APOL5: variants seen among roughly 807,000 people sequenced by gnomAD.
APOL5 encodes apolipoprotein L5.
In APOL5, 29 loss-of-function variants were observed where a neutral mutation model predicts 35.5. That is an observed-to-expected ratio of 0.82 (90% confidence interval 0.61 to 1.11). The LOEUF (loss-of-function observed/expected upper bound fraction) is 1.11. Among genes scored for constraint, APOL5 ranks in the 50% most tolerant of loss-of-function variants. The pLI, the probability that APOL5 is intolerant of heterozygous loss-of-function variation, is 0.00. For missense variants in APOL5, 514 were observed against 530.4 expected (o/e 0.97, Z 0.30); for synonymous variants, 188 against 200.2 (o/e 0.94, Z 0.51).
chr22:35,718,789 G>A (rs964752963), intron 1 of APOL5, among the ~76,000 whole-genome samples: 1 of 151,954 alleles, frequency 6.6e-6, no homozygotes, highest in Admixed American at 6.6e-5. Context: ...CAGGCACAGC[G>A]GCTCATGCCT....
In APOL5 at chr22:35,728,894, A is replaced by G. The variant is rs1485947881; in HGVS notation, c.1298A>G (p.Gln433Arg). 6.3e-7 allele frequency: 1 copy of G among 1,599,886 alleles called. No individual in the cohort carries two copies. The highest frequency in any genetic ancestry group is 1.7e-5 in the Admixed American group (1 of 57,652). Residue 433 changes from glutamine to arginine, a missense_variant, in exon 4 of 5, where the codon CAA (glutamine) becomes CGA (arginine). Physicochemically the swap from Gln to Arg is conservative, Grantham distance 43. Around this residue, in one of 3 missense-constraint regions of APOL5, gnomAD observed 238 missense variants for 229.1 expected, o/e 1.04. Coordinates refer to ENST00000249044, the MANE Select transcript of APOL5 (RefSeq NM_030642.1). ...KGRQAPGRHR[Q>R] Reference sequence around the variant, plus strand: ...AGACAGGCCCCGGGAAGACACCGACAATGAGAAGAGGTAAGTGGGACGCAA... The same window carrying G: ...AGACAGGCCCCGGGAAGACACCGACGATGAGAAGAGGTAAGTGGGACGCAA...
In APOL5 at chr22:35,726,815, C is replaced by A. The variant is rs1461353194; in HGVS notation, c.747C>A (p.Ala249=). 6.2e-7 allele frequency: 1 copy of A among 1,614,034 alleles called. No individual in the cohort carries two copies. Among genetic ancestry groups the A allele is most frequent in the African/African-American group, 1.3e-5 (1 of 74,904 alleles). ...GIKDLHAYQM[A]KSNSGFMAMV... ...AGGATCTTCATGCCTACCAGATGGC[C>A]AAATCCAACTCTGGCTTCATGGCTA... Residue 249 remains alanine, a synonymous_variant, in exon 3 of 5, where the codon GCC becomes GCA. Coordinates refer to ENST00000249044, the MANE Select transcript of APOL5 (RefSeq NM_030642.1).
At chr22:35,720,168 G>C (rs1369673125) in intron 1 of APOL5, among the ~76,000 whole-genome samples, 2 of 152,242 alleles carry the variant, frequency 1.3e-5, no homozygotes, top group Non-Finnish European at 2.9e-5. Flanking sequence ...AGAAATGCTT[G>C]TCCTCACTTA....
upstream of APOL5, chr22:35,717,738 C>CACAAA: frequency 5.4e-6 from 1 of 186,214 alleles, no homozygotes; most frequent in Non-Finnish European, 8.4e-6. Context: ...AGCTCCATCG[C>CACAAA]AAAAAAAAAA....
chr22:35,725,533 G>C (rs530745007), intron 2 of APOL5, among the ~76,000 whole-genome samples: 1 of 152,118 alleles, frequency 6.6e-6, no homozygotes, highest in Non-Finnish European at 1.5e-5. Context: ...GATTACAGGC[G>C]TGAGCCACCG....
Position 35,726,984 on chromosome 22 carries a change from G to A in APOL5, c.916G>A (p.Asp306Asn). 6.2e-7 allele frequency: 1 copy of A among 1,614,190 alleles called. No individual in the cohort carries two copies. The highest frequency in any genetic ancestry group is 1.3e-5 in the African/African-American group (1 of 75,052). Reference protein sequence around the residue: ...AAGAGFLLMKDMSSFLQSWKH... With the variant: ...AAGAGFLLMKNMSSFLQSWKH... Reference sequence around the variant, plus strand: ...TGGGGCTGGCTTCTTACTTATGAAAGACATGAGCAGCTTCCTGCAGAGCTG... The same window carrying A: ...TGGGGCTGGCTTCTTACTTATGAAAAACATGAGCAGCTTCCTGCAGAGCTG... Residue 306 changes from aspartate (D) to asparagine (N), a missense_variant, in exon 3 of 5, where the codon GAC becomes AAC. Transcript: ENST00000249044.
At chr22:35,719,734 G>A (rs1332953089) in intron 1 of APOL5, among the ~76,000 whole-genome samples, 1 of 81,118 alleles carries the variant, frequency 1.2e-5, no homozygotes, top group Non-Finnish European at 2.6e-5. Flanking sequence ...GCCCCATCTA[G>A]GGTTGAGTGT....
chr22:35,719,625 G>A (rs1420674153), intron 1 of APOL5, among the ~76,000 whole-genome samples: 3 of 152,212 alleles, frequency 2.0e-5, no homozygotes, highest in African/African-American at 7.2e-5. Flanking sequence ...AGTATAAAAC[G>A]GGGTGTGGCT....
At chr22:35,722,235 C>T (rs1926996301) in intron 2 of APOL5, among the ~76,000 whole-genome samples, 1 of 152,180 alleles carries the variant, frequency 6.6e-6, no homozygotes, top group African/African-American at 2.4e-5. Flanking sequence ...CAATGTTAAC[C>T]TCTCCTCCTT....
intron 3 of APOL5, 143 bp downstream of exon 3, chr22:35,727,337 C>G (rs1927207974): frequency 8.0e-7 from 1 of 1,255,588 alleles, no homozygotes. Flanking sequence ...GCCGCACACC[C>G]CTGACATTAA....
chr22:35,726,478 C>T lies in APOL5; in HGVS notation c.410C>T (p.Thr137Ile), dbSNP rs1927161507. The change falls in exon 3 of 5, where the codon ACC becomes ATC. Residue 137 changes from threonine (T) to isoleucine (I), a missense_variant. Physicochemically the swap from Thr to Ile is moderately conservative, Grantham distance 89. Transcript: ENST00000249044. ...ACCACTCACGAGTTGCTTACCAAGA[C>T]CAGCCTGGTGGCCAGCTCTTCCGGG... ...VDTTHELLTKTSLVASSSGAV... is the reference protein window; with the variant it reads ...VDTTHELLTKISLVASSSGAV... 3 of 1,614,196 alleles carry T rather than the reference C, an allele frequency of 1.9e-6. No individual in the cohort carries two copies. The highest frequency in any genetic ancestry group is 2.7e-5 in the African/African-American group (2 of 75,052).
At chr22:35,711,928 A>C in the APOL5 span, among the ~76,000 whole-genome samples, 4 of 151,828 alleles carry the variant, frequency 2.6e-5, no homozygotes, top group Non-Finnish European at 5.9e-5. Flanking sequence ...ACCTGCCTCA[A>C]CCTCCTAAAG....
upstream of APOL5, among the ~76,000 whole-genome samples, chr22:35,715,660 T>TATAC (rs988721767): frequency 3.3e-5 from 5 of 152,044 alleles, no homozygotes; most frequent in African/African-American, 9.7e-5. Context: ...TAAATAAATA[T>TATAC]ATACATACAT....
At chr22:35,719,851 G>T (rs995281679) in intron 1 of APOL5, among the ~76,000 whole-genome samples, 1 of 152,216 alleles carries the variant, frequency 6.6e-6, no homozygotes, top group Non-Finnish European at 1.5e-5. Context: ...TGGATCACAC[G>T]TGGGCTTGGA....
intron 3 of APOL5, 136 bp from the exon 4 acceptor site, chr22:35,728,587 C>A: frequency 2.0e-6 from 2 of 988,396 alleles, no homozygotes; most frequent in Non-Finnish European, 2.9e-6. Context: ...GGACCCACTG[C>A]CCTGGGGCGG....
rs1026661224 is a variant in APOL5, at chr22:35,726,672, G to T, written c.604G>T (p.Ala202Ser). ...NRSNSAARDK[A>S]SRLGPLTTSH... is the part of the protein sequence containing the mutation. ...AAGCAATTCAGCAGCAAGAGACAAA[G>T]CCAGCCGACTGGGGCCTCTGACAAC... The change falls in exon 3 of 5, where the codon GCC becomes TCC. Residue 202 changes from alanine to serine, a missense_variant. By Grantham distance (99) the Ala-to-Ser change is moderately conservative. This residue lies in a region of APOL5 where 254 missense variants were observed against 254.7 expected (regional missense o/e 1.00). Transcript: ENST00000249044. The T allele has an allele frequency of 1.2e-6, 2 of 1,614,094 alleles. No individual in the cohort carries two copies. The highest frequency in any genetic ancestry group is 2.7e-5 in the African/African-American group (2 of 74,938).
chr22:35,715,117 T>C (rs2145992923), upstream of APOL5, among the ~76,000 whole-genome samples: 1 of 152,330 alleles, frequency 6.6e-6, no homozygotes, highest in South Asian at 2.1e-4. Flanking sequence ...AAAAGTTGCA[T>C]AGGAGATGAA....
chr22:35,718,593 CAAA>C (rs58513283), intron 1 of APOL5, among the ~76,000 whole-genome samples: 1 of 97,058 alleles, frequency 1.0e-5, no homozygotes, highest in African/African-American at 3.8e-5. Context: ...GACCCCGTCT[CAAA>C]AAAAAAAAAA....
the APOL5 span, among the ~76,000 whole-genome samples, chr22:35,709,223 G>A: frequency 6.6e-6 from 1 of 152,140 alleles, no homozygotes; most frequent in Non-Finnish European, 1.5e-5. Flanking sequence ...AAGCTAATGC[G>A]ATATAATCTT....
Sources: allele counts gnomAD v4.1 joint callset (sites outside exome capture counted in the v4.1 genomes callset), GRCh38; gene constraint gnomAD v4.1.1; regional missense constraint gnomAD v4.1.1; transcripts MANE v1.5; gene names NCBI Gene and HGNC (gene_info 2026-07-23, HGNC 2026-07-21).